PIAS1: variants seen among roughly 807,000 people sequenced by gnomAD.
PIAS1 encodes protein inhibitor of activated STAT 1, also known as E3 SUMO-protein ligase PIAS1.
PIAS1 carries 6 observed loss-of-function variants against 71.3 expected under a neutral mutation model. The ratio of observed to expected loss-of-function variants is 0.08; its 90% CI spans 0.05 to 0.17. PIAS1 has a LOEUF of 0.17. Among genes scored for constraint, PIAS1 ranks in the 10% least tolerant of loss-of-function variants. The probability of loss-of-function intolerance (pLI) is 1.00; values close to 1 mark genes in which losing one functional copy is unlikely to be tolerated. For synonymous variants in PIAS1, 303 were observed against 292.9 expected, an observed-to-expected ratio of 1.03 and a Z score of -0.35; for missense variants, 555 against 793.6, an observed-to-expected ratio of 0.70 and a Z score of 3.61.
At chr15:68,064,441 A>C (rs759798459) in intron 1 of PIAS1, among the ~76,000 whole-genome samples, 25 of 152,344 alleles carry the variant, frequency 1.6e-4, no homozygotes, top group Non-Finnish European at 2.8e-4. Flanking sequence ...TCAGTGAACT[A>C]ATATTTTCCA....
intron 2 of PIAS1, among the ~76,000 whole-genome samples, chr15:68,087,038 T>C (rs2092289139): frequency 6.6e-6 from 1 of 152,208 alleles, no homozygotes; most frequent in South Asian, 2.1e-4. Flanking sequence ...TTTTATAATA[T>C]CTCATAAATT....
At chr15:68,134,919 TG>T in intron 2 of PIAS1, among the ~76,000 whole-genome samples, 1 of 38,636 alleles carries the variant, frequency 2.6e-5, no homozygotes, top group Non-Finnish European at 9.4e-5. Context: ...CAGGGGTGGC[TG>T]GGCAGAGGCG....
intron 11 of PIAS1, 65 bp from the exon 12 acceptor site, chr15:68,181,146 CT>C: frequency 3.4e-6 from 5 of 1,467,944 alleles, no homozygotes; most frequent in Non-Finnish European, 4.7e-6. Context: ...GATACAACCC[CT>C]TTTTTTGTTA....
chr15:68,142,228 TTGAA>T, intron 3 of PIAS1, 58 bp from the exon 4 acceptor site: 3 of 1,398,360 alleles, frequency 2.1e-6, no homozygotes, highest in Non-Finnish European at 1.0e-6. Context: ...AACAAGGTCT[TTGAA>T]TGAACTTTCA....
intron 1 of PIAS1, among the ~76,000 whole-genome samples, chr15:68,073,645 G>A (rs572639641): frequency 2.0e-5 from 3 of 152,094 alleles, no homozygotes; most frequent in Admixed American, 6.5e-5. Context: ...GGGATAGGAG[G>A]GGGGAGAAGA....
chr15:68,055,229 G>A, intron 1 of PIAS1: 2 of 984,898 alleles, frequency 2.0e-6, no homozygotes, highest in Non-Finnish European at 2.4e-6. Flanking sequence ...GTAGCTGATG[G>A]AGGTGAATGG....
chr15:68,078,777 T>C (rs1233029751), intron 1 of PIAS1, among the ~76,000 whole-genome samples: 4 of 152,212 alleles, frequency 2.6e-5, no homozygotes, highest in African/African-American at 7.2e-5. Flanking sequence ...AAGATAATCA[T>C]GCTTACTATA....
At chr15:68,060,260 T>G (rs1347671574) in intron 1 of PIAS1, among the ~76,000 whole-genome samples, 1 of 152,064 alleles carries the variant, frequency 6.6e-6, no homozygotes, top group Non-Finnish European at 1.5e-5. Context: ...CAGTTTTTTT[T>G]GTTTTGCTGG....
chr15:68,146,180 T>C (rs1360966408), intron 5 of PIAS1, among the ~76,000 whole-genome samples: 1 of 152,156 alleles, frequency 6.6e-6, no homozygotes, highest in East Asian at 1.9e-4. Context: ...GCTGTGTTCA[T>C]GTGAGTCTAT....
At position 68,188,547 on chromosome 15, in the gene PIAS1, C is replaced by CA. The variant is rs2093102677; in HGVS notation, c.*713dup. ...CAAAGTGCTTTGAAGGTCTTGAACTCACGTGTGAGCATCTTTATCAACTAT... is the reference window on the plus strand; with the variant it reads ...CAAAGTGCTTTGAAGGTCTTGAACTCAACGTGTGAGCATCTTTATCAACTAT... On this transcript the variant is annotated 3_prime_UTR_variant, in exon 14 of 14. Coordinates refer to ENST00000249636, the MANE Select transcript of PIAS1 (RefSeq NM_016166.3). 1 of 152,214 alleles carries CA rather than the reference C, an allele frequency of 6.6e-6. No individual in the cohort carries two copies. The highest frequency in any genetic ancestry group is 2.1e-4 in the South Asian group (1 of 4,822). The allele number at this position is 152,214 out of a possible 1,614,324, so 9.4% of individuals were successfully genotyped here. A position where few individuals can be genotyped will look rare whatever the true frequency, so the allele number is the denominator to read the frequency against.
chr15:68,121,205 CT>C (rs1307657007), intron 2 of PIAS1, among the ~76,000 whole-genome samples: 1 of 149,490 alleles, frequency 6.7e-6, no homozygotes, highest in Non-Finnish European at 1.5e-5. Flanking sequence ...TTTATTTTAC[CT>C]TTGTTTTTGT....
intron 7 of PIAS1, among the ~76,000 whole-genome samples, chr15:68,158,453 A>G (rs2092905053): frequency 6.6e-6 from 1 of 152,110 alleles, no homozygotes; most frequent in African/African-American, 2.4e-5. Flanking sequence ...AAAATTGATG[A>G]GTTGACTTTT....
At chr15:68,072,889 A>C (rs1423068702) in intron 1 of PIAS1, among the ~76,000 whole-genome samples, 1 of 152,224 alleles carries the variant, frequency 6.6e-6, no homozygotes, top group Non-Finnish European at 1.5e-5. Flanking sequence ...TATAAACTTC[A>C]GTTTTGCCCT....
intron 8 of PIAS1, among the ~76,000 whole-genome samples, chr15:68,168,680 TA>T (rs1555433190): frequency 9.9e-5 from 15 of 152,152 alleles, no homozygotes; most frequent in African/African-American, 1.7e-4. Flanking sequence ...GTGATTTTTT[TA>T]AAAAAAATCA....
chr15:68,145,558 A>T (rs1173790894), intron 4 of PIAS1, among the ~76,000 whole-genome samples: 3 of 152,174 alleles, frequency 2.0e-5, no homozygotes, highest in Non-Finnish European at 4.4e-5. Flanking sequence ...TTCTCAGAAC[A>T]TGCTTAACCA....
intron 2 of PIAS1, among the ~76,000 whole-genome samples, chr15:68,127,362 A>G (rs1177823679): frequency 2.0e-5 from 3 of 152,146 alleles, no homozygotes; most frequent in Non-Finnish European, 4.4e-5. Context: ...GGATGAATGG[A>G]CCTGGGGATC....
intron 4 of PIAS1, 92 bp from the exon 5 acceptor site, chr15:68,145,724 A>T (rs1271193523): frequency 1.3e-6 from 1 of 754,446 alleles, no homozygotes; most frequent in Non-Finnish European, 2.2e-6. Flanking sequence ...GTTGTTTTTA[A>T]ATTTACCATC....
At position 68,175,702 on chromosome 15, in the gene PIAS1, C is replaced by T; in HGVS notation, c.1235C>T (p.Thr412Ile). ...CDEIQFKEDG[T>I]WAPMRSKKEV... ...GAAATACAATTTAAGGAGGATGGCA[C>T]TTGGGCACCGATGAGATCAAAAAAG... Residue 412 changes from threonine (T) to isoleucine (I), a missense_variant, in exon 10 of 14, where the codon ACT becomes ATT. Thr to Ile is a moderately conservative substitution (Grantham distance 89, BLOSUM62 -1). Coordinates refer to ENST00000249636, the MANE Select transcript of PIAS1 (RefSeq NM_016166.3). 1.2e-6 allele frequency: 2 copies of T among 1,604,518 alleles called. No individual in the cohort carries two copies. Among genetic ancestry groups the T allele is most frequent in the East Asian group, 2.2e-5 (1 of 44,540 alleles).
chr15:68,117,541 G>A (rs1324792124), intron 2 of PIAS1, among the ~76,000 whole-genome samples: 5 of 152,096 alleles, frequency 3.3e-5, no homozygotes, highest in Admixed American at 1.3e-4. Context: ...CAGAGTTCTC[G>A]TACCCCTATT....
Sources: allele counts gnomAD v4.1 joint callset (sites outside exome capture counted in the v4.1 genomes callset), GRCh38; gene constraint gnomAD v4.1.1; transcripts MANE v1.5; gene names NCBI Gene and HGNC (gene_info 2026-07-23, HGNC 2026-07-21).